LYST: variants seen among roughly 807,000 people sequenced by gnomAD.
LYST encodes lysosomal-trafficking regulator.
LYST carries 192 observed loss-of-function variants against 413.6 expected under a neutral mutation model. That is an observed-to-expected ratio of 0.46 (90% CI 0.41 to 0.52). The LOEUF is 0.52. Ranked by LOEUF, LYST falls within the 20% of genes least tolerant of loss-of-function variation. The pLI is 0.00. For synonymous variants in LYST, 1,525 were observed against 1,567.3 expected, an observed-to-expected ratio of 0.97 and a Z score of 0.64; for missense variants, 3,815 against 4,499.9, an observed-to-expected ratio of 0.85 and a Z score of 4.35.
intron 22 of LYST, among the ~76,000 whole-genome samples, chr1:235,760,042 C>T (rs1482870752): frequency 6.6e-6 from 1 of 152,064 alleles, no homozygotes; most frequent in East Asian, 1.9e-4. Flanking sequence ...GATTCAAAGT[C>T]ATTAGGATTA....
At chr1:235,845,958 C>T (rs1192156836) in intron 1 of LYST, among the ~76,000 whole-genome samples, 1 of 152,086 alleles carries the variant, frequency 6.6e-6, no homozygotes, top group Non-Finnish European at 1.5e-5. Flanking sequence ...GGGCCCTGCC[C>T]ACCGCATATC....
Position 235,712,818 on chromosome 1 carries a change from TCCA to T in LYST, c.9785-624_9785-622del, listed in dbSNP as rs1558142182. On this transcript the variant is annotated intron_variant, in intron 42 of 52. Transcript: ENST00000389793. ...TAGTCACTCTTTCGTTCATTTTTTT[TCCA>T]GGGTAGACTATTAATAATAAAGAAT... 3 of 984,930 alleles carry T rather than the reference TCCA, an allele frequency of 3.0e-6. No homozygotes were observed. The African/African-American group carries it at 5.2e-5, about 17-fold the overall frequency. The allele number at this position is 984,930 out of a possible 1,614,324, so 61.0% of individuals were successfully genotyped here.
chr1:235,799,122 T>C (rs890974698), intron 10 of LYST, among the ~76,000 whole-genome samples: 10 of 152,144 alleles, frequency 6.6e-5, no homozygotes, highest in African/African-American at 2.4e-4. Context: ...AATACACCCA[T>C]ATACTAAATA....
intron 3 of LYST, among the ~76,000 whole-genome samples, chr1:235,819,926 G>A (rs568051467): frequency 9.2e-5 from 14 of 152,306 alleles, no homozygotes; most frequent in South Asian, 2.1e-4. Context: ...GATTACAGGC[G>A]TGAGCCACCG....
At chr1:235,757,594 T>G (rs1393110328) in intron 23 of LYST, 136 bp from the exon 24 acceptor site, 4 of 719,550 alleles carry the variant, frequency 5.6e-6, no homozygotes, top group Non-Finnish European at 9.9e-6. Context: ...TGTTTCCTAA[T>G]TTAACTGTGA....
Position 235,725,803 on chromosome 1 carries a change from GA to G in LYST, c.9163-1624del, listed in dbSNP as rs1309379080. Among the ~76,000 whole-genome samples the G allele has an allele frequency of 5.9e-5, 9 of 152,192 alleles. No homozygotes were observed. In the East Asian group the frequency reaches 1.5e-3, roughly 26 times the overall value. ...TGGTCAACAGAAGAAAAGAAGATGA[GA>G]AAAGAATCACTGGAAGGTTGAATCT... On this transcript the variant is annotated intron_variant, in intron 38 of 52. Coordinates refer to ENST00000389793, the MANE Select transcript of LYST (RefSeq NM_000081.4).
At position 235,800,951 on chromosome 1, in the gene LYST, C is replaced by T; in HGVS notation, c.3859G>A (p.Asp1287Asn). The T allele has an allele frequency of 6.2e-7, 1 of 1,613,790 alleles. No homozygotes were observed. The highest frequency in any genetic ancestry group is 8.5e-7 in the Non-Finnish European group (1 of 1,179,836). The change falls in exon 9 of 53, where the codon GAT becomes AAT. Residue 1287 changes from aspartate (D) to asparagine (N), a missense_variant. Around this residue, in one of 4 missense-constraint regions of LYST, gnomAD observed 1,648 missense variants for 1,810.3 expected, o/e 0.91. Coordinates refer to ENST00000389793, the MANE Select transcript of LYST (RefSeq NM_000081.4). The part of the protein sequence containing the change: ...NLLSASKAKL[D>N]VLAHVFESFL... ...CTCTCAAATACATGGGCAAGCACAT[C>T]AAGTTTGGCTTTACTAGCAGAAAGC...
At chr1:235,857,690 C>T (rs1467446843) in intron 1 of LYST, among the ~76,000 whole-genome samples, 1 of 149,478 alleles carries the variant, frequency 6.7e-6, no homozygotes, top group Non-Finnish European at 1.5e-5. Context: ...CGTGTGCACA[C>T]AGGTGTATAT....
intron 1 of LYST, among the ~76,000 whole-genome samples, chr1:235,856,508 T>C (rs1679208380): frequency 6.6e-6 from 1 of 152,164 alleles, no homozygotes; most frequent in African/African-American, 2.4e-5. Flanking sequence ...TTTATGAGAG[T>C]ACAACATTCA....
intron 45 of LYST, among the ~76,000 whole-genome samples, chr1:235,699,922 G>C (rs541320546): frequency 1.9e-4 from 29 of 152,248 alleles, no homozygotes; most frequent in Non-Finnish European, 3.2e-4. Flanking sequence ...AGAGACTTAA[G>C]AAATAACACC....
At chr1:235,688,067 T>C (rs1029822058) in intron 47 of LYST, among the ~76,000 whole-genome samples, 2 of 152,246 alleles carry the variant, frequency 1.3e-5, no homozygotes, top group African/African-American at 4.8e-5. Flanking sequence ...TGAGTAGTTC[T>C]ATTTGTTAGG....
rs1179790919 is a variant in LYST, at chr1:235,836,245, A to G, written c.-97-2578T>C. On this transcript the variant is annotated intron_variant, in intron 1 of 52. Coordinates refer to ENST00000389793, the MANE Select transcript of LYST (RefSeq NM_000081.4). The stretch of plus-strand genomic sequence containing the variant: ...CATTTAATTCAACAAATGTTATTGA[A>G]CATTTACTGTATGTGAGCTACTAAT... 2.6e-5 allele frequency among the ~76,000 whole-genome samples: 4 copies of G among 152,362 alleles called. No individual in the cohort carries two copies. The East Asian group carries it at 7.7e-4, about 29-fold the overall frequency.
intron 36 of LYST, 100 bp from the exon 37 acceptor site, chr1:235,729,757 CTAGA>C (rs1333084793): frequency 1.2e-6 from 1 of 827,916 alleles, no homozygotes; most frequent in Non-Finnish European, 2.1e-6. Context: ...GCAAAGCAGA[CTAGA>C]TAGAGTTCCA....
intron 1 of LYST, among the ~76,000 whole-genome samples, chr1:235,857,544 G>A (rs750450275): frequency 6.6e-6 from 1 of 151,922 alleles, no homozygotes; most frequent in Non-Finnish European, 1.5e-5. Context: ...AAATGAGGAG[G>A]AGGAGAGAAT....
intron 10 of LYST, among the ~76,000 whole-genome samples, chr1:235,799,774 G>C (rs1419009907): frequency 1.3e-5 from 2 of 151,788 alleles, no homozygotes; most frequent in African/African-American, 4.8e-5. Context: ...CTTTGTATAA[G>C]ACCCTGAACA....
Position 235,662,860 on chromosome 1 carries a change from T to C in LYST, c.*80A>G. The C allele has an allele frequency of 1.2e-6, 1 of 834,048 alleles. No individual in the cohort carries two copies. Among genetic ancestry groups the C allele is most frequent in the East Asian group, 2.4e-5 (1 of 41,436 alleles). 51.7% of individuals were successfully genotyped at this position (834,048 alleles called of 1,614,324 possible). A position where few individuals can be genotyped will look rare whatever the true frequency, so the allele number is the denominator to read the frequency against. The stretch of plus-strand genomic sequence containing the variant: ...TTGTCCAGTCATCCATTTCTTTAGG[T>C]TCAACCTCCTAAAACTGGTGAAGTC... On this transcript the variant is annotated 3_prime_UTR_variant, in exon 53 of 53. Coordinates refer to ENST00000389793, the MANE Select transcript of LYST (RefSeq NM_000081.4).
At chr1:235,708,983 A>AG (rs1392094003) in intron 44 of LYST, 108 bp downstream of exon 44, 19 of 963,200 alleles carry the variant, frequency 2.0e-5, no homozygotes, top group Non-Finnish European at 8.3e-6. Flanking sequence ...GCTACTACCA[A>AG]TTCTCTTTGA....
chr1:235,729,664 A>G lies in LYST; in HGVS notation c.9045-7T>C. On this transcript the variant is annotated splice_polypyrimidine_tract_variant and splice_region_variant and intron_variant, in intron 36 of 52. Coordinates refer to ENST00000389793, the MANE Select transcript of LYST (RefSeq NM_000081.4). ...GATGCATCTTCGATTCACTCTGTCA[A>G]AACATATTTAAAATTACTATGACTA... 2.5e-6 allele frequency: 4 copies of G among 1,585,904 alleles called. No homozygotes were observed. The highest frequency in any genetic ancestry group is 3.5e-6 in the Non-Finnish European group (4 of 1,154,678).
chr1:235,665,051 C>T (rs1658317074), intron 50 of LYST, among the ~76,000 whole-genome samples: 1 of 152,072 alleles, frequency 6.6e-6, no homozygotes, highest in Non-Finnish European at 1.5e-5. Flanking sequence ...ACCTCGGCCT[C>T]CCAAAGTGCT....
Sources: gnomAD v4.1 joint callset for allele counts (sites outside exome capture counted in the v4.1 genomes callset) on GRCh38, gnomAD v4.1.1 for gene constraint, gnomAD v4.1.1 regional missense constraint, MANE v1.5 for transcripts, NCBI Gene and HGNC (gene_info 2026-07-23, HGNC 2026-07-21) for gene names.